Variants in RAB11B observed in about 807,000 individuals in gnomAD.
The protein encoded by RAB11B is RAB11B, member RAS oncogene family, also known as ras-related protein Rab-11B.
In RAB11B, 7 loss-of-function variants were observed where a neutral mutation model predicts 23.7. The observed-to-expected ratio is 0.29, with a 90% CI of 0.17 to 0.55. RAB11B has a LOEUF of 0.55. Ranked by LOEUF, RAB11B falls within the 20% of genes least tolerant of loss-of-function variation. RAB11B has a pLI of 0.93. For missense variants in RAB11B, 189 were observed against 320.0 expected, an observed-to-expected ratio of 0.59 and a Z score of 3.12; for synonymous variants, 138 against 132.0, an observed-to-expected ratio of 1.05 and a Z score of -0.31.
Position 8,396,724 on chromosome 19 carries a change from A to T in RAB11B, c.41-3139A>T, listed in dbSNP as rs911002090. On this transcript the variant is annotated intron_variant, in intron 1 of 4. Transcript: ENST00000328024. This position sits in a 1 kb window ranked among gnomAD's most constrained non-coding sequence, Gnocchi z 5.0. The stretch of plus-strand genomic sequence containing the variant: ...CAGAGTGAGCCGGGGGGGGGGCGGG[A>T]GGGAGGAGGGGAGGGCCCTGTGGGC... Among the ~76,000 whole-genome samples, 1 of 8,800 alleles carries T rather than the reference A, an allele frequency of 1.1e-4. No homozygotes were observed. Among genetic ancestry groups the T allele is most frequent in the African/African-American group, 4.1e-4 (1 of 2,436 alleles). 5.8% of individuals were successfully genotyped at this position (8,800 alleles called of 152,430 possible).
chr19:8,400,072 G>C lies in RAB11B; in HGVS notation c.236+14G>C. The C allele has an allele frequency of 6.2e-7, 1 of 1,605,708 alleles. No homozygotes were observed. Among genetic ancestry groups the C allele is most frequent in the East Asian group, 2.2e-5 (1 of 44,594 alleles). On this transcript the variant is annotated intron_variant, in intron 2 of 4. Transcript: ENST00000328024. Reference sequence around the variant, plus strand: ...CATCACCTCCGCGTGCGTGTCGGCAGCCTGGGCAGGGACGCTGAGATTCGG... The same window carrying C: ...CATCACCTCCGCGTGCGTGTCGGCACCCTGGGCAGGGACGCTGAGATTCGG...
chr19:8,395,507 C>G (rs987738455), intron 1 of RAB11B, among the ~76,000 whole-genome samples: 1 of 152,142 alleles, frequency 6.6e-6, no homozygotes, highest in Non-Finnish European at 1.5e-5. Flanking sequence ...CCTCGGCCTC[C>G]CCAAGTGCTG....
At chr19:8,391,271 C>T (rs1339690345) in intron 1 of RAB11B, among the ~76,000 whole-genome samples, 1 of 152,188 alleles carries the variant, frequency 6.6e-6, no homozygotes, top group African/African-American at 2.4e-5. Flanking sequence ...TGTTGGAACC[C>T]GATTGAGCCC....
rs1209940646 is a variant in RAB11B, at chr19:8,403,869, T to C, written c.*311T>C. ...AGGACGGGCGGACGGCGCCGCCTTC[T>C]CCCCTTTTCCTTGGCCGACTCTAGG... On this transcript the variant is annotated 3_prime_UTR_variant, in exon 5 of 5. Coordinates refer to ENST00000328024, the MANE Select transcript of RAB11B (RefSeq NM_004218.4). 3.4e-6 allele frequency: 1 copy of C among 294,250 alleles called. No individual in the cohort carries two copies. The highest frequency in any genetic ancestry group is 6.3e-6 in the Non-Finnish European group (1 of 158,002). The allele number at this position is 294,250 out of a possible 1,614,324, so 18.2% of individuals were successfully genotyped here.
intron 1 of RAB11B, among the ~76,000 whole-genome samples, chr19:8,397,694 C>G (rs922702888): frequency 1.2e-4 from 18 of 152,018 alleles, no homozygotes; most frequent in African/African-American, 4.4e-4. Flanking sequence ...CACAGTGTGG[C>G]CAGGGGAAGG....
At chr19:8,403,384 C>A in intron 4 of RAB11B, 29 bp from the exon 5 acceptor site, 1 of 1,589,980 alleles carries the variant, frequency 6.3e-7, no homozygotes, top group Non-Finnish European at 8.6e-7. Context: ...TGCTGGCTCA[C>A]CCCACGTCCC....
rs1213982312 is a variant in RAB11B, at chr19:8,396,698, G to T, written c.41-3165G>T. Among the ~76,000 whole-genome samples, 2 of 141,290 alleles carry T rather than the reference G, an allele frequency of 1.4e-5. No homozygotes were observed. The highest frequency in any genetic ancestry group is 2.7e-5 in the African/African-American group (1 of 37,696). The allele number at this position is 141,290 out of a possible 152,430, so 92.7% of individuals were successfully genotyped here. On this transcript the variant is annotated intron_variant, in intron 1 of 4. Transcript: ENST00000328024. This position sits in a 1 kb window ranked among gnomAD's most constrained non-coding sequence, Gnocchi z 5.0. ...CAGCATGGAGGCCTGTGTGGCTGGA[G>T]CAGAGTGAGCCGGGGGGGGGGCGGG...
intron 1 of RAB11B, among the ~76,000 whole-genome samples, chr19:8,398,287 G>A (rs973244652): frequency 2.6e-5 from 4 of 152,184 alleles, no homozygotes; most frequent in South Asian, 4.1e-4. Context: ...CCCGTCCCTG[G>A]GTGCTGTTGC....
In RAB11B at chr19:8,403,800, G is replaced by T. The variant is rs1185570209; in HGVS notation, c.*242G>T. On this transcript the variant is annotated 3_prime_UTR_variant, in exon 5 of 5. Transcript: ENST00000328024. ...TCGGGTCCCCACAGCGTCTTGGCGG[G>T]GTGGGGAGGGCGGCAGGATGGACGG... is the stretch of plus-strand genomic sequence containing the variant. The T allele has an allele frequency of 3.9e-6, 2 of 507,718 alleles. No individual in the cohort carries two copies. The highest frequency in any genetic ancestry group is 6.7e-6 in the Non-Finnish European group (2 of 299,784). 31.5% of individuals were successfully genotyped at this position (507,718 alleles called of 1,614,324 possible).
At chr19:8,394,102 G>A (rs923835408) in intron 1 of RAB11B, among the ~76,000 whole-genome samples, 3 of 152,180 alleles carry the variant, frequency 2.0e-5, no homozygotes, top group Admixed American at 6.5e-5. Flanking sequence ...GGACCAGCCC[G>A]CCACTGCCCC....
intron 2 of RAB11B, chr19:8,400,302 A>C (rs1971427438): frequency 5.5e-6 from 3 of 548,166 alleles, no homozygotes; most frequent in East Asian, 3.0e-5. Context: ...AGCTCAGGCC[A>C]CTCCGCCTTG....
Position 8,403,419 on chromosome 19 carries a change from A to G in RAB11B, c.518A>G (p.Tyr173Cys), listed in dbSNP as rs754387016. The G allele has an allele frequency of 1.2e-6, 2 of 1,613,214 alleles. No individual in the cohort carries two copies. The highest frequency in any genetic ancestry group is 1.7e-6 in the Non-Finnish European group (2 of 1,179,508). Residue 173 changes from tyrosine to cysteine, a missense_variant, in exon 5 of 5, where the codon TAC becomes TGC. Transcript: ENST00000328024. ...EAFKNILTEIYRIVSQKQIAD... is the reference protein window; with the variant it reads ...EAFKNILTEICRIVSQKQIAD... Reference sequence around the variant, plus strand: ...CCCTGTACCCCCTTTGCAGAGATCTACCGCATCGTGTCACAGAAACAGATC... The same window carrying G: ...CCCTGTACCCCCTTTGCAGAGATCTGCCGCATCGTGTCACAGAAACAGATC...
intron 4 of RAB11B, chr19:8,402,830 T>A (rs757154899): frequency 3.6e-6 from 2 of 563,170 alleles, no homozygotes; most frequent in Admixed American, 6.9e-5. Context: ...ACCCGCTAAT[T>A]TTTGTAATTT....
Position 8,403,698 on chromosome 19 carries a change from A to G in RAB11B, c.*140A>G. On this transcript the variant is annotated 3_prime_UTR_variant, in exon 5 of 5. Coordinates refer to ENST00000328024, the MANE Select transcript of RAB11B (RefSeq NM_004218.4). ...GCTCTGCACGGCCGGGCCGGGGCCC[A>G]GGAAGGACAGGAGCCAGTGCTACCC... 8.1e-7 allele frequency: 1 copy of G among 1,227,356 alleles called. No individual in the cohort carries two copies. The highest frequency in any genetic ancestry group is 2.8e-4 in the Middle Eastern group (1 of 3,544). The allele number at this position is 1,227,356 out of a possible 1,614,324, so 76.0% of individuals were successfully genotyped here.
chr19:8,399,332 C>T (rs181660984), intron 1 of RAB11B, among the ~76,000 whole-genome samples: 2 of 152,316 alleles, frequency 1.3e-5, no homozygotes, highest in Admixed American at 1.3e-4. Flanking sequence ...AAGTGATCCG[C>T]CTGGCTCATC....
intron 1 of RAB11B, among the ~76,000 whole-genome samples, chr19:8,395,271 CTTTT>C (rs201774881): frequency 2.1e-5 from 2 of 94,068 alleles, no homozygotes; most frequent in African/African-American, 4.3e-5. Flanking sequence ...TTCCATCTTT[CTTTT>C]TTTTTTTTTT....
Position 8,403,758 on chromosome 19 carries a change from T to A in RAB11B, c.*200T>A, listed in dbSNP as rs1568229832. ...CGGGGAAAAGCTAGAAGCCCCGGTT[T>A]GCTGCACCCATGAAACTCGGGTCCC... On this transcript the variant is annotated 3_prime_UTR_variant, in exon 5 of 5. Coordinates refer to ENST00000328024, the MANE Select transcript of RAB11B (RefSeq NM_004218.4). 1.4e-6 allele frequency: 1 copy of A among 725,004 alleles called. No homozygotes were observed. The highest frequency in any genetic ancestry group is 2.1e-6 in the Non-Finnish European group (1 of 479,632). 44.9% of individuals were successfully genotyped at this position (725,004 alleles called of 1,614,324 possible).
chr19:8,402,192 A>G lies in RAB11B; in HGVS notation c.343A>G (p.Ser115Gly). ...GAAGGAGCTGCGGGACCACGCAGAC[A>G]GCAACATCGTCATCATGCTGGTGGG... ...WLKELRDHAD[S>G]NIVIMLVGNK... is the part of the protein sequence containing the mutation. Residue 115 changes from serine to glycine, a missense_variant, in exon 3 of 5, where the codon AGC becomes GGC. By Grantham distance (56) the Ser-to-Gly change is moderately conservative. Coordinates refer to ENST00000328024, the MANE Select transcript of RAB11B (RefSeq NM_004218.4). 6.3e-7 allele frequency: 1 copy of G among 1,593,760 alleles called. No individual in the cohort carries two copies. Among genetic ancestry groups the G allele is most frequent in the Non-Finnish European group, 8.5e-7 (1 of 1,170,244 alleles).
rs1406263759 is a variant in RAB11B at position 8,396,793 on chromosome 19, A to G, written c.41-3070A>G. 6.6e-6 allele frequency among the ~76,000 whole-genome samples: 1 copy of G among 151,654 alleles called. No homozygotes were observed. The highest frequency in any genetic ancestry group is 6.6e-5 in the Admixed American group (1 of 15,226). On this transcript the variant is annotated intron_variant, in intron 1 of 4. Coordinates refer to ENST00000328024, the MANE Select transcript of RAB11B (RefSeq NM_004218.4). The surrounding 1 kb of genome is among the most constrained non-coding windows in gnomAD (Gnocchi z 5.0). Reference sequence around the variant, plus strand: ...TTTTCCCCTGCGGAAGGTGGGGGCCACGGAGGGTTGTCTGCAGAGGAGGGA... The same window carrying G: ...TTTTCCCCTGCGGAAGGTGGGGGCCGCGGAGGGTTGTCTGCAGAGGAGGGA...
Sources: allele counts gnomAD v4.1 joint callset (sites outside exome capture counted in the v4.1 genomes callset), GRCh38; gene constraint gnomAD v4.1.1; non-coding constraint Gnocchi (gnomAD v3.1); transcripts MANE v1.5; gene names NCBI Gene and HGNC (gene_info 2026-07-23, HGNC 2026-07-21).